Variants in SPTAN1 observed in about 807,000 individuals in gnomAD.
SPTAN1 encodes the protein spectrin alpha, non-erythrocytic 1.
Under a neutral mutation model 331.3 loss-of-function variants are expected in SPTAN1, and 61 were observed. That is an observed-to-expected ratio of 0.18 (90% CI 0.15 to 0.23). The LOEUF is 0.23. SPTAN1 is among the 10% of genes least tolerant of loss of function. SPTAN1 has a pLI of 1.00. For missense variants in SPTAN1, 2,043 were observed against 3,147.9 expected, an observed-to-expected ratio of 0.65 and a Z score of 8.40; for synonymous variants, 1,153 against 1,173.9, an observed-to-expected ratio of 0.98 and a Z score of 0.36.
rs1855551183 is a variant in SPTAN1 at position 128,604,357 on chromosome 9, A to G, written c.3659A>G (p.Gln1220Arg). Residue 1220 changes from glutamine to arginine, a missense_variant, in exon 29 of 57, where the codon CAG becomes CGG. By Grantham distance (43) the Gln-to-Arg change is conservative (BLOSUM62 1). Coordinates refer to ENST00000372739, the MANE Select transcript of SPTAN1 (RefSeq NM_001130438.3). ...AATGAGCGCTGGCGGTCCCTACAGC[A>G]GCTGGCCGAGGAACGGAGCCAGCTC... ...ELNERWRSLQ[Q>R]LAEERSQLLG... is the part of the protein sequence containing the mutation. 6.2e-7 allele frequency: 1 copy of G among 1,614,078 alleles called. No homozygotes were observed. The highest frequency in any genetic ancestry group is 8.5e-7 in the Non-Finnish European group (1 of 1,179,988).
In SPTAN1 at chr9:128,633,472, T is replaced by C; in HGVS notation, c.*138T>C. 1 of 1,430,544 alleles carries C rather than the reference T, an allele frequency of 7.0e-7. No homozygotes were observed. The highest frequency in any genetic ancestry group is 9.7e-7 in the Non-Finnish European group (1 of 1,031,064). 88.6% of individuals were successfully genotyped at this position (1,430,544 alleles called of 1,614,324 possible). A position where few individuals can be genotyped will look rare whatever the true frequency, so the allele number is the denominator to read the frequency against. ...AATAAGACTTAGGAGAAAATGGTGC[T>C]TCACTAACCCGCTTCCGGTCCAGTC... On this transcript the variant is annotated 3_prime_UTR_variant, in exon 57 of 57. Coordinates refer to ENST00000372739, the MANE Select transcript of SPTAN1 (RefSeq NM_001130438.3).
chr9:128,557,028 G>C (rs1314654733), intron 1 of SPTAN1, among the ~76,000 whole-genome samples: 1 of 152,166 alleles, frequency 6.6e-6, no homozygotes, highest in Non-Finnish European at 1.5e-5. Context: ...ACGGAAAAAA[G>C]ACATTGTTGG....
chr9:128,574,655 C>T lies in SPTAN1; in HGVS notation c.364-20C>T, dbSNP rs780867742. ...AGAGCCAGTTGTGATCTGATTAAAA[C>T]TCTGATTTGAAACTTTCAGACCCGT... is the stretch of plus-strand genomic sequence containing the variant. On this transcript the variant is annotated intron_variant, in intron 3 of 56. Transcript: ENST00000372739. 1 of 1,614,094 alleles carries T rather than the reference C, an allele frequency of 6.2e-7. No individual in the cohort carries two copies. Among genetic ancestry groups the T allele is most frequent in the Non-Finnish European group, 8.5e-7 (1 of 1,179,974 alleles).
intron 24 of SPTAN1, among the ~76,000 whole-genome samples, chr9:128,596,815 C>G (rs956044553): frequency 1.3e-5 from 2 of 152,162 alleles, no homozygotes. Context: ...CTCAGCCACC[C>G]GAGTGGCTGG....
At chr9:128,609,330 ATTGAG>A (rs1195923082) in intron 36 of SPTAN1, 46 bp downstream of exon 36, 2 of 1,613,100 alleles carry the variant, frequency 1.2e-6, no homozygotes, top group Non-Finnish European at 1.7e-6. Context: ...GCCTTATGTT[ATTGAG>A]TAGATTTTGT....
At position 128,615,771 on chromosome 9, in the gene SPTAN1, C is replaced by T; in HGVS notation, c.5288C>T (p.Ala1763Val). Residue 1763 changes from alanine to valine, a missense_variant, in exon 41 of 57, where the codon GCC becomes GTC. By Grantham distance (64) the Ala-to-Val change is moderately conservative. This residue lies in a region of SPTAN1 where 323 missense variants were observed against 581.1 expected (regional missense o/e 0.56). Transcript: ENST00000372739. ...AAGAGCATGGCGGCCTCCCGGCGAG[C>T]CAAGCTGAATGAATCCCATCGCCTG... ...KIKSMAASRR[A>V]KLNESHRLHQ... 6.2e-7 allele frequency: 1 copy of T among 1,614,210 alleles called. No individual in the cohort carries two copies. Among genetic ancestry groups the T allele is most frequent in the Non-Finnish European group, 8.5e-7 (1 of 1,180,034 alleles).
chr9:128,593,261 T>G, intron 23 of SPTAN1: 1 of 625,538 alleles, frequency 1.6e-6, no homozygotes, highest in East Asian at 2.9e-5. Flanking sequence ...CATGTGCAGC[T>G]GTGTGTTCAG....
At chr9:128,584,647 T>C in intron 17 of SPTAN1, 74 bp from the exon 18 acceptor site, 3 of 1,614,082 alleles carry the variant, frequency 1.9e-6, no homozygotes, top group Non-Finnish European at 1.7e-6. Context: ...ACCATGGTGG[T>C]AGCTAAGAAT....
chr9:128,604,507 G>A, intron 29 of SPTAN1, 90 bp downstream of exon 29: 2 of 1,231,154 alleles, frequency 1.6e-6, no homozygotes, highest in Non-Finnish European at 2.3e-6. Flanking sequence ...AGATCCTAGA[G>A]CAACTGCTGG....
At chr9:128,609,072 C>T (rs764235299) in intron 35 of SPTAN1, 50 bp from the exon 36 acceptor site, 8 of 1,614,078 alleles carry the variant, frequency 5.0e-6, no homozygotes, top group Middle Eastern at 1.6e-4. Context: ...CCACTTCCTT[C>T]TCCACGGTAA....
At position 128,603,601 on chromosome 9, in the gene SPTAN1, G is replaced by A; in HGVS notation, c.3627+11G>A. ...TTTAATTCCATCAAGGTAAGAAGCA[G>A]TGACCAGCTCCTCTGATCTCCCCTG... On this transcript the variant is annotated intron_variant, in intron 28 of 56. Transcript: ENST00000372739. 1.9e-6 allele frequency: 3 copies of A among 1,614,206 alleles called. No individual in the cohort carries two copies. Among genetic ancestry groups the A allele is most frequent in the Non-Finnish European group, 2.5e-6 (3 of 1,180,018 alleles).
At chr9:128,563,918 G>T (rs889893540) in intron 1 of SPTAN1, among the ~76,000 whole-genome samples, 1 of 151,920 alleles carries the variant, frequency 6.6e-6, no homozygotes, top group African/African-American at 2.4e-5. Flanking sequence ...GATTGCAGAT[G>T]TGAGCCATGG....
At chr9:128,559,100 G>C (rs1390971998) in intron 1 of SPTAN1, among the ~76,000 whole-genome samples, 4 of 152,144 alleles carry the variant, frequency 2.6e-5, no homozygotes, top group Non-Finnish European at 5.9e-5. Flanking sequence ...CAGATACCCA[G>C]CTCCCCAGAG....
chr9:128,599,217 C>A, intron 26 of SPTAN1: 1 of 536,536 alleles, frequency 1.9e-6, no homozygotes, highest in East Asian at 3.5e-5. Context: ...TCACTGCAAC[C>A]TCCACCTCCC....
At chr9:128,582,042 C>A in intron 12 of SPTAN1, 150 bp downstream of exon 12, 1 of 696,522 alleles carries the variant, frequency 1.4e-6, no homozygotes, top group South Asian at 1.5e-5. Context: ...GACATGCTAT[C>A]TCGTTGAAGA....
At chr9:128,613,343 C>T in intron 39 of SPTAN1, 38 bp from the exon 40 acceptor site, 2 of 1,566,912 alleles carry the variant, frequency 1.3e-6, no homozygotes, top group Non-Finnish European at 1.8e-6. Context: ...GAGTATACAC[C>T]ACACAGTAGC....
At chr9:128,622,500 T>C (rs957304417) in intron 45 of SPTAN1, among the ~76,000 whole-genome samples, 3 of 151,810 alleles carry the variant, frequency 2.0e-5, no homozygotes, top group African/African-American at 4.8e-5. Context: ...GGTTTCTCCA[T>C]GTTGGTCAGG....
intron 26 of SPTAN1, chr9:128,599,202 T>C (rs570996919): frequency 3.5e-6 from 2 of 576,272 alleles, no homozygotes; most frequent in East Asian, 3.3e-5. Context: ...TGGTGTGATC[T>C]TGGCTCACTG....
chr9:128,607,529 TTC>T, intron 31 of SPTAN1, 73 bp from the exon 32 acceptor site: 1 of 1,261,264 alleles, frequency 7.9e-7, no homozygotes, highest in Non-Finnish European at 1.2e-6. Flanking sequence ...AATTATGTCA[TTC>T]TCTGTTTTCC....
Sources: allele counts gnomAD v4.1 joint callset (sites outside exome capture counted in the v4.1 genomes callset), GRCh38; gene constraint gnomAD v4.1.1; regional missense constraint gnomAD v4.1.1; transcripts MANE v1.5; gene names NCBI Gene and HGNC (gene_info 2026-07-23, HGNC 2026-07-21).